The following CELF2 variants were observed in gnomAD, a reference collection of about 807,000 sequenced individuals.
CELF2 encodes the protein CUGBP Elav-like family member 2.
A neutral mutation model predicts 62.6 loss-of-function variants in CELF2; 8 were observed. The observed-to-expected ratio is 0.13, with a 90% CI of 0.07 to 0.23. The LOEUF is 0.23. Among genes scored for constraint, CELF2 ranks in the 10% least tolerant of loss-of-function variants. The pLI is 1.00. For missense variants in CELF2, 333 were observed against 671.0 expected, an observed-to-expected ratio of 0.50 and a Z score of 5.56; for synonymous variants, 258 against 250.0, an observed-to-expected ratio of 1.03 and a Z score of -0.30.
intron 2 of CELF2, among the ~76,000 whole-genome samples, chr10:11,190,919 A>G (rs958278090): frequency 6.6e-6 from 1 of 151,994 alleles, no homozygotes; most frequent in Non-Finnish European, 1.5e-5. Context: ...GTAAGAGTGT[A>G]AGGGGGATGG....
the CELF2 span, among the ~76,000 whole-genome samples, chr10:10,596,829 T>C: frequency 1.3e-5 from 2 of 152,224 alleles, no homozygotes; most frequent in Admixed American, 1.3e-4. Flanking sequence ...GGGAGTGGCA[T>C]GGAATTTGGG....
chr10:11,081,100 G>A (rs2073913871), intron 1 of CELF2, among the ~76,000 whole-genome samples: 1 of 152,180 alleles, frequency 6.6e-6, no homozygotes, highest in Non-Finnish European at 1.5e-5. Context: ...GGGATAGGGG[G>A]CAATTCCAGT....
intron 1 of CELF2, among the ~76,000 whole-genome samples, chr10:11,127,714 A>G (rs1032507024): frequency 2.0e-5 from 3 of 151,970 alleles, no homozygotes; most frequent in Non-Finnish European, 2.9e-5. Context: ...GTCTGTTCAT[A>G]TCCTTTGCCC....
chr10:11,120,183 A>G (rs2057443734), intron 1 of CELF2, among the ~76,000 whole-genome samples: 1 of 152,142 alleles, frequency 6.6e-6, no homozygotes, highest in South Asian at 2.1e-4. Context: ...GAGTTCATAT[A>G]CTATAAGGAT....
At chr10:10,708,662 CCTCT>C in the CELF2 span, among the ~76,000 whole-genome samples, 1 of 152,096 alleles carries the variant, frequency 6.6e-6, no homozygotes, top group African/African-American at 2.4e-5. Flanking sequence ...CTCTTCTCTT[CCTCT>C]CTTTTTATTA....
intron 2 of CELF2, among the ~76,000 whole-genome samples, chr10:11,180,933 G>A (rs933325436): frequency 3.9e-5 from 6 of 152,136 alleles, no homozygotes; most frequent in African/African-American, 1.4e-4. Context: ...GCAATGACGC[G>A]ATCTCGGCTC....
chr10:11,129,435 A>G (rs1018975394), intron 1 of CELF2, among the ~76,000 whole-genome samples: 1 of 152,204 alleles, frequency 6.6e-6, no homozygotes, highest in African/African-American at 2.4e-5. Flanking sequence ...ATTGATTGGA[A>G]TAGTTTCAGA....
At chr10:10,586,053 C>A in the CELF2 span, among the ~76,000 whole-genome samples, 1 of 152,118 alleles carries the variant, frequency 6.6e-6, no homozygotes, top group Non-Finnish European at 1.5e-5. Context: ...TTACAATTAG[C>A]CTTTCAGAAG....
chr10:10,735,545 A>G, the CELF2 span, among the ~76,000 whole-genome samples: 1 of 152,212 alleles, frequency 6.6e-6, no homozygotes, highest in Admixed American at 6.5e-5. Context: ...ACGTCGAGAA[A>G]CAAAAGGAAT....
chr10:11,298,921 G>C (rs747748745), intron 9 of CELF2, among the ~76,000 whole-genome samples: 1 of 152,164 alleles, frequency 6.6e-6, no homozygotes, highest in Non-Finnish European at 1.5e-5. Context: ...ACTAGAATAA[G>C]GTCCAATGAT....
At chr10:11,062,945 C>T (rs543948318) in intron 1 of CELF2, among the ~76,000 whole-genome samples, 20 of 152,260 alleles carry the variant, frequency 1.3e-4, no homozygotes, top group African/African-American at 4.6e-4. Context: ...CAGCACCCCC[C>T]CCGCCATCAG....
chr10:10,748,005 T>C, the CELF2 span, among the ~76,000 whole-genome samples: 5 of 152,052 alleles, frequency 3.3e-5, no homozygotes, highest in Admixed American at 1.3e-4. Flanking sequence ...TTCTCACCCA[T>C]AGATAGGAGC....
the CELF2 span, among the ~76,000 whole-genome samples, chr10:10,564,559 CCT>C: frequency 1.1e-3 from 166 of 151,736 alleles, 4 homozygotes; most frequent in South Asian, 0.03. Context: ...ATTTTCATCA[CCT>C]CTTTACCCTT....
chr10:10,491,568 C>T, the CELF2 span, among the ~76,000 whole-genome samples: 3 of 152,162 alleles, frequency 2.0e-5, no homozygotes, highest in African/African-American at 7.2e-5. Flanking sequence ...GCATGAAGCC[C>T]ATTGTTACAA....
At chr10:10,878,627 T>C (rs2061258653) in intron 1 of CELF2, among the ~76,000 whole-genome samples, 1 of 152,108 alleles carries the variant, frequency 6.6e-6, no homozygotes, top group Non-Finnish European at 1.5e-5. Context: ...TCCTCTCAAG[T>C]TGGTCATTTG....
At chr10:11,251,208 T>C (rs1348043405) in intron 4 of CELF2, among the ~76,000 whole-genome samples, 1 of 148,144 alleles carries the variant, frequency 6.8e-6, no homozygotes, top group Non-Finnish European at 1.5e-5. Context: ...TATAGAAACA[T>C]GACAAATTAG....
intron 2 of CELF2, among the ~76,000 whole-genome samples, chr10:11,179,136 G>T (rs149311263): frequency 6.6e-6 from 1 of 152,054 alleles, no homozygotes; most frequent in African/African-American, 2.4e-5. Flanking sequence ...TAATGCTTTC[G>T]CTTCTTTTAC....
the CELF2 span, among the ~76,000 whole-genome samples, chr10:10,481,916 G>A: frequency 3.9e-5 from 6 of 152,280 alleles, no homozygotes; most frequent in Admixed American, 3.9e-4. Flanking sequence ...TGCATATGTA[G>A]AAGGTCCAAT....
Position 11,305,291 on chromosome 10 carries a change from T to C in CELF2, c.977-8848T>C, listed in dbSNP as rs1313432124. ...GAGAGAGCTTCCAAACAGCCCTTCC[T>C]CCACAACTGCTGTATCCCTAAGTGG... is the stretch of plus-strand genomic sequence containing the variant. On this transcript the variant is annotated intron_variant, in intron 9 of 12. Coordinates refer to ENST00000633077, the MANE Select transcript of CELF2 (RefSeq NM_001326342.2). This position sits in a 1 kb window ranked among gnomAD's most constrained non-coding sequence, Gnocchi z 4.8. Among the ~76,000 whole-genome samples the C allele has an allele frequency of 2.6e-5, 4 of 152,238 alleles. No homozygotes were observed. The highest frequency in any genetic ancestry group is 4.4e-5 in the Non-Finnish European group (3 of 68,048).
Sources: gnomAD v4.1 joint callset for allele counts (sites outside exome capture counted in the v4.1 genomes callset) on GRCh38, gnomAD v4.1.1 for gene constraint, Gnocchi (gnomAD v3.1) non-coding constraint, MANE v1.5 for transcripts, NCBI Gene and HGNC (gene_info 2026-07-23, HGNC 2026-07-21) for gene names.